Variants in TLL1 observed in about 807,000 individuals in gnomAD.
The protein encoded by TLL1 is tolloid-like protein 1.
TLL1 carries 49 observed loss-of-function variants against 128.2 expected under a neutral mutation model. The observed-to-expected ratio is 0.38, with a 90% CI of 0.30 to 0.48. The LOEUF is 0.48. Among genes scored for constraint, TLL1 ranks in the 20% least tolerant of loss-of-function variants. TLL1 has a pLI of 0.96. For missense variants in TLL1, 1,123 were observed against 1,242.0 expected (o/e 0.90, Z 1.44); for synonymous variants, 454 against 418.8 (o/e 1.08, Z -1.03).
intron 7 of TLL1, among the ~76,000 whole-genome samples, chr4:166,009,390 T>C (rs1737577680): frequency 6.6e-6 from 1 of 151,496 alleles, no homozygotes; most frequent in East Asian, 1.9e-4. Context: ...CAATTTATTC[T>C]TTTTGTCCTT....
chr4:165,974,397 CCCAAAG>C lies in TLL1; in HGVS notation c.170-14983_170-14978del, dbSNP rs1453394034. 3.1e-5 allele frequency among the ~76,000 whole-genome samples: 4 copies of C among 130,884 alleles called. 1 individual carries two copies. The highest frequency in any genetic ancestry group is 1.8e-4 in the African/African-American group (4 of 21,876). The allele number at this position is 130,884 out of a possible 152,430, so 85.9% of individuals were successfully genotyped here. A position where few individuals can be genotyped will look rare whatever the true frequency, so the allele number is the denominator to read the frequency against. On this transcript the variant is annotated intron_variant, in intron 1 of 20. Transcript: ENST00000061240. ...CCTCGTGATCCGCCCGCCTCGGCCT[CCCAAAG>C]TGCTGGGATTACAGGCGTGAGCCAC...
intron 9 of TLL1, among the ~76,000 whole-genome samples, chr4:166,034,780 A>G (rs1738923839): frequency 6.6e-6 from 1 of 152,174 alleles, no homozygotes; most frequent in Non-Finnish European, 1.5e-5. Context: ...CCTCTATAAC[A>G]AAGCTCCTCA....
chr4:165,942,273 T>C (rs892301959), intron 1 of TLL1, among the ~76,000 whole-genome samples: 3 of 147,944 alleles, frequency 2.0e-5, no homozygotes, highest in Non-Finnish European at 4.4e-5. Flanking sequence ...CCCACCACCC[T>C]CCTTTTTTTT....
intron 1 of TLL1, among the ~76,000 whole-genome samples, chr4:165,883,310 C>A (rs1049727243): frequency 2.0e-5 from 3 of 152,014 alleles, no homozygotes; most frequent in African/African-American, 7.2e-5. Context: ...CATTTCCTTT[C>A]TTTTTTTATG....
At chr4:165,917,455 A>G (rs1273242039) in intron 1 of TLL1, among the ~76,000 whole-genome samples, 1 of 152,180 alleles carries the variant, frequency 6.6e-6, no homozygotes, top group Non-Finnish European at 1.5e-5. Flanking sequence ...TAATACTAGT[A>G]TCCTATGGCT....
intron 1 of TLL1, among the ~76,000 whole-genome samples, chr4:165,890,414 C>T (rs974498346): frequency 8.5e-5 from 13 of 152,196 alleles, no homozygotes; most frequent in African/African-American, 2.9e-4. Flanking sequence ...TGAGATAAGT[C>T]CCTTCTGCCT....
At chr4:165,994,946 T>C in intron 4 of TLL1, 115 bp from the exon 5 acceptor site, 1 of 792,358 alleles carries the variant, frequency 1.3e-6, no homozygotes, top group Non-Finnish European at 2.1e-6. Flanking sequence ...TATTCTTTGG[T>C]TGATGATAGT....
intron 18 of TLL1, among the ~76,000 whole-genome samples, chr4:166,081,378 C>A (rs374743252): frequency 6.6e-6 from 1 of 152,170 alleles, no homozygotes; most frequent in Admixed American, 6.6e-5. Context: ...TTTCTCATGG[C>A]AGTGACCACT....
intron 9 of TLL1, among the ~76,000 whole-genome samples, chr4:166,029,227 G>A (rs963394222): frequency 1.3e-5 from 2 of 151,314 alleles, no homozygotes; most frequent in African/African-American, 2.4e-5. Flanking sequence ...TCTATCATTT[G>A]GTACTCTCTA....
At chr4:165,905,702 T>C (rs1445718514) in intron 1 of TLL1, among the ~76,000 whole-genome samples, 1 of 152,186 alleles carries the variant, frequency 6.6e-6, no homozygotes, top group African/African-American at 2.4e-5. Flanking sequence ...TGGTTGAAAT[T>C]AGCATCACAT....
intron 8 of TLL1, among the ~76,000 whole-genome samples, chr4:166,015,042 C>T (rs998304328): frequency 6.6e-6 from 1 of 151,718 alleles, no homozygotes; most frequent in Non-Finnish European, 1.5e-5. Context: ...ATGTTCTAAC[C>T]GGTTGCAAGT....
At chr4:165,918,039 T>C (rs772908741) in intron 1 of TLL1, among the ~76,000 whole-genome samples, 2 of 152,200 alleles carry the variant, frequency 1.3e-5, no homozygotes, top group Non-Finnish European at 2.9e-5. Context: ...AAATTTTAGT[T>C]GGAAGATTAT....
chr4:165,957,806 C>T (rs1324602176), intron 1 of TLL1, among the ~76,000 whole-genome samples: 1 of 150,456 alleles, frequency 6.6e-6, no homozygotes, highest in African/African-American at 2.4e-5. Flanking sequence ...TGGTGTGCCG[C>T]ACCCATTAAT....
At chr4:166,032,772 C>G (rs567156878) in intron 9 of TLL1, among the ~76,000 whole-genome samples, 1 of 151,948 alleles carries the variant, frequency 6.6e-6, no homozygotes, top group African/African-American at 2.4e-5. Context: ...AGATTATCCA[C>G]GTAAAGTTGT....
intron 2 of TLL1, among the ~76,000 whole-genome samples, chr4:165,990,238 G>T (rs925235122): frequency 1.3e-5 from 2 of 151,774 alleles, no homozygotes; most frequent in African/African-American, 2.4e-5. Context: ...GGAGAAAATT[G>T]CAAGGTTAGA....
intron 1 of TLL1, among the ~76,000 whole-genome samples, chr4:165,882,652 CT>C (rs1731012026): frequency 6.6e-6 from 1 of 151,976 alleles, no homozygotes; most frequent in Non-Finnish European, 1.5e-5. Flanking sequence ...GGGTTTTGCT[CT>C]TGTTGCCCAG....
At chr4:165,902,053 A>T (rs1415092020) in intron 1 of TLL1, among the ~76,000 whole-genome samples, 5 of 152,088 alleles carry the variant, frequency 3.3e-5, no homozygotes, top group Non-Finnish European at 7.4e-5. Flanking sequence ...GTGAGGGGAA[A>T]ACCGACTACT....
At chr4:166,070,828 T>C (rs1399853084) in intron 16 of TLL1, among the ~76,000 whole-genome samples, 4 of 151,948 alleles carry the variant, frequency 2.6e-5, no homozygotes, top group African/African-American at 9.7e-5. Context: ...GTTGTTGATA[T>C]TTGCAAATGA....
intron 8 of TLL1, among the ~76,000 whole-genome samples, chr4:166,016,712 T>C (rs1336803062): frequency 6.6e-6 from 1 of 152,034 alleles, no homozygotes; most frequent in East Asian, 1.9e-4. Flanking sequence ...TATTTTGTAT[T>C]TCTGAAACAG....
Sources: allele counts gnomAD v4.1 joint callset (sites outside exome capture counted in the v4.1 genomes callset), GRCh38; gene constraint gnomAD v4.1.1; transcripts MANE v1.5; gene names NCBI Gene and HGNC (gene_info 2026-07-23, HGNC 2026-07-21).